Variants in DNAH5 observed in about 807,000 individuals in gnomAD.
The protein encoded by DNAH5 is dynein axonemal heavy chain 5.
Under a neutral mutation model 518.2 loss-of-function variants are expected in DNAH5, and 372 were observed. The ratio of observed to expected loss-of-function variants is 0.72; its 90% CI spans 0.66 to 0.78. DNAH5 has a LOEUF of 0.78. DNAH5 is among the 30% of genes least tolerant of loss of function. DNAH5 has a pLI of 0.00. For missense variants in DNAH5, 5,523 were observed against 5,687.0 expected, an observed-to-expected ratio of 0.97 and a Z score of 0.93; for synonymous variants, 2,039 against 2,025.9, an observed-to-expected ratio of 1.01 and a Z score of -0.17.
At chr5:13,903,680 T>C (rs992837360) in intron 12 of DNAH5, among the ~76,000 whole-genome samples, 3 of 151,982 alleles carry the variant, frequency 2.0e-5, no homozygotes, top group South Asian at 2.1e-4. Flanking sequence ...TGGAGAACAA[T>C]AGCCGACAAA....
chr5:13,923,471 A>C (rs746963903), intron 3 of DNAH5, 31 bp from the exon 4 acceptor site: 8 of 1,613,162 alleles, frequency 5.0e-6, no homozygotes, highest in Non-Finnish European at 5.9e-6. Context: ...TAGTTTCACA[A>C]ATGCTTTTTG....
Position 13,843,231 on chromosome 5 carries a change from T to C in DNAH5, c.5272-1327A>G, listed in dbSNP as rs115009130. Among the ~76,000 whole-genome samples the C allele has an allele frequency of 5.8e-4, 88 of 152,328 alleles. 1 individual carries two copies. The highest frequency in any genetic ancestry group is 2.1e-3 in the African/African-American group (87 of 41,574). On this transcript the variant is annotated intron_variant, in intron 32 of 78. Transcript: ENST00000265104. The stretch of plus-strand genomic sequence containing the variant: ...TTTATCCTGATTTTGCAATGGCTTC[T>C]TACATTGATTTCCTTGCCCCCTTTC...
At chr5:13,887,838 A>C (rs2151945160) in intron 17 of DNAH5, among the ~76,000 whole-genome samples, 1 of 152,218 alleles carries the variant, frequency 6.6e-6, no homozygotes, top group Admixed American at 6.5e-5. Context: ...ACCGGCACAC[A>C]TAGGTCATGG....
At chr5:13,861,295 C>T (rs115794119) in intron 29 of DNAH5, among the ~76,000 whole-genome samples, 265 of 152,274 alleles carry the variant, frequency 1.7e-3, no homozygotes, top group African/African-American at 6.1e-3. Flanking sequence ...GAAGTCCAAA[C>T]TCAAGATTAC....
chr5:13,835,764 T>C (rs1764303686), intron 35 of DNAH5, among the ~76,000 whole-genome samples: 1 of 150,618 alleles, frequency 6.6e-6, no homozygotes, highest in African/African-American at 2.5e-5. Context: ...CACCCCTCCC[T>C]CTGTCTCTGT....
chr5:13,755,585 G>A (rs1399972584), intron 61 of DNAH5, among the ~76,000 whole-genome samples: 1 of 152,124 alleles, frequency 6.6e-6, no homozygotes, highest in East Asian at 1.9e-4. Context: ...ACATTACAGT[G>A]TTTTTCAAAA....
chr5:13,905,878 T>G (rs1269421718), intron 12 of DNAH5, among the ~76,000 whole-genome samples: 6 of 152,218 alleles, frequency 3.9e-5, no homozygotes, highest in Non-Finnish European at 7.3e-5. Flanking sequence ...AACCAAGATA[T>G]CTTTCAATGT....
intron 47 of DNAH5, among the ~76,000 whole-genome samples, chr5:13,797,507 C>G (rs1309814713): frequency 6.6e-6 from 1 of 152,082 alleles, no homozygotes; most frequent in Non-Finnish European, 1.5e-5. Flanking sequence ...CAATGAGATA[C>G]CATCTCATGC....
chr5:13,937,476 C>T (rs1471352920), intron 1 of DNAH5, among the ~76,000 whole-genome samples: 6 of 151,518 alleles, frequency 4.0e-5, no homozygotes, highest in Non-Finnish European at 8.8e-5. Flanking sequence ...CCATCTTCTA[C>T]TCCTGAAAGT....
intron 1 of DNAH5, among the ~76,000 whole-genome samples, chr5:14,006,346 G>A (rs1052107149): frequency 3.9e-5 from 6 of 152,168 alleles, no homozygotes; most frequent in African/African-American, 1.4e-4. Flanking sequence ...AGTCAGCTCA[G>A]GATGCCGTCA....
chr5:13,829,534 C>T lies in DNAH5; in HGVS notation c.6420G>A (p.Leu2140=). 6.2e-7 allele frequency: 1 copy of T among 1,614,166 alleles called. No individual in the cohort carries two copies. The highest frequency in any genetic ancestry group is 8.5e-7 in the Non-Finnish European group (1 of 1,180,032). Residue 2140 remains leucine (L), a synonymous_variant, in exon 38 of 79, where the codon CTG becomes CTA. Coordinates refer to ENST00000265104, the MANE Select transcript of DNAH5 (RefSeq NM_001369.3). ...CCTGCTTAGAAAGCTGCTCCTCACA[C>T]AGTTTGTAGAGCGTGAAAAACTTCC... ...LARKFFTLYK[L]CEEQLSKQVH... is the part of the protein sequence containing the mutation.
At chr5:13,931,863 G>A in intron 1 of DNAH5, among the ~76,000 whole-genome samples, 1 of 152,168 alleles carries the variant, frequency 6.6e-6, no homozygotes, top group East Asian at 1.9e-4. Context: ...ACTATAAAAT[G>A]TTTTCATGCA....
Position 13,850,699 on chromosome 5 carries a change from T to C in DNAH5, c.5067A>G (p.Leu1689=), listed in dbSNP as rs1200052027. 1.9e-6 allele frequency: 3 copies of C among 1,613,988 alleles called. No homozygotes were observed. In the African/African-American group the frequency reaches 4.0e-5, roughly 22 times the overall value. ...TTTCCAACTGGTCCAGCAAGTGTGG[T>C]AACAGCTGCCCCAGGGTCTCATCTC... The part of the protein sequence containing the change: ...CVGDETLGQL[L]PHLLDQLEIC... The change falls in exon 31 of 79, where the codon TTA becomes TTG. Residue 1689 remains leucine (L), a synonymous_variant. Transcript: ENST00000265104.
intron 46 of DNAH5, among the ~76,000 whole-genome samples, chr5:13,808,248 AGAG>A (rs1759977937): frequency 6.9e-6 from 1 of 145,660 alleles, no homozygotes; most frequent in South Asian, 2.2e-4. Flanking sequence ...AAAAAAAAAA[AGAG>A]GAAATTTGTA....
chr5:13,931,357 G>T, intron 1 of DNAH5, 113 bp from the exon 2 acceptor site: 2 of 1,280,384 alleles, frequency 1.6e-6, no homozygotes, highest in Non-Finnish European at 1.1e-6. Flanking sequence ...CCAGATAATA[G>T]ACAGCTTAAT....
chr5:13,917,659 T>C (rs927305286), intron 7 of DNAH5, among the ~76,000 whole-genome samples: 3 of 152,312 alleles, frequency 2.0e-5, no homozygotes, highest in African/African-American at 7.2e-5. Flanking sequence ...ATGTAGTAAT[T>C]GTTTATTATC....
At chr5:13,818,596 C>T (rs1561343024) in intron 41 of DNAH5, among the ~76,000 whole-genome samples, 1 of 152,234 alleles carries the variant, frequency 6.6e-6, no homozygotes, top group Non-Finnish European at 1.5e-5. Context: ...TGAAGTAGCA[C>T]CTGGTCTGTA....
At chr5:13,809,820 C>A (rs1377185142) in intron 45 of DNAH5, among the ~76,000 whole-genome samples, 1 of 152,042 alleles carries the variant, frequency 6.6e-6, no homozygotes, top group Non-Finnish European at 1.5e-5. Flanking sequence ...TTAAATGTTT[C>A]TTAATTCATT....
At position 13,781,227 on chromosome 5, in the gene DNAH5, G is replaced by A. The variant is rs529504189; in HGVS notation, c.8821-268C>T. Among the ~76,000 whole-genome samples, 6 of 152,226 alleles carry A rather than the reference G, an allele frequency of 3.9e-5. No homozygotes were observed. In the East Asian group the frequency reaches 5.8e-4, roughly 15 times the overall value. On this transcript the variant is annotated intron_variant, in intron 52 of 78. Coordinates refer to ENST00000265104, the MANE Select transcript of DNAH5 (RefSeq NM_001369.3). ...GAAAAGTCAACACACAGCCGAGACC[G>A]TGCTTGCTCTGGCTTTTAAAGGAGA...
Sources: allele counts gnomAD v4.1 joint callset (sites outside exome capture counted in the v4.1 genomes callset), GRCh38; gene constraint gnomAD v4.1.1; transcripts MANE v1.5; gene names NCBI Gene and HGNC (gene_info 2026-07-23, HGNC 2026-07-21).